The following NBEAL1 variants were observed in gnomAD, a reference collection of about 807,000 sequenced individuals.
NBEAL1 encodes the protein neurobeachin like 1.
Under a neutral mutation model 351.3 loss-of-function variants are expected in NBEAL1, and 273 were observed. The observed-to-expected ratio is 0.78, with a 90% CI of 0.70 to 0.86. NBEAL1 has a LOEUF of 0.86. Among genes scored for constraint, NBEAL1 ranks in the 40% least tolerant of loss-of-function variants. NBEAL1 has a pLI of 0.00. For missense variants in NBEAL1, 2,961 were observed against 3,201.3 expected (o/e 0.92, Z 1.81); for synonymous variants, 1,050 against 1,086.4 (o/e 0.97, Z 0.66).
chr2:203,142,568 A>G (rs1328342044), intron 31 of NBEAL1, among the ~76,000 whole-genome samples: 4 of 152,244 alleles, frequency 2.6e-5, no homozygotes, highest in African/African-American at 9.6e-5. Context: ...AAATTAAAGC[A>G]GTAGTCAAGT....
chr2:203,175,635 A>T (rs2064477125), intron 42 of NBEAL1, among the ~76,000 whole-genome samples: 1 of 152,212 alleles, frequency 6.6e-6, no homozygotes, highest in Admixed American at 6.5e-5. Flanking sequence ...AATATGTATC[A>T]TGAGGAATGG....
chr2:203,152,080 C>T (rs1379300080), intron 35 of NBEAL1, among the ~76,000 whole-genome samples: 1 of 151,898 alleles, frequency 6.6e-6, no homozygotes, highest in African/African-American at 2.4e-5. Flanking sequence ...GCCTCAGCCT[C>T]CCAAGTAGCT....
At chr2:203,082,326 AT>A (rs2061888369) in intron 8 of NBEAL1, among the ~76,000 whole-genome samples, 1 of 152,204 alleles carries the variant, frequency 6.6e-6, no homozygotes, top group Non-Finnish European at 1.5e-5. Flanking sequence ...GGTGAAGGAA[AT>A]TGAATATTGG....
rs544159111 is a variant in NBEAL1 at position 203,108,295 on chromosome 2, C to G, written c.1949+107C>G. 4.7e-4 allele frequency: 388 copies of G among 833,186 alleles called. 1 individual carries two copies. Among genetic ancestry groups the G allele is most frequent in the Middle Eastern group, 3.1e-3 (13 of 4,178 alleles). 51.6% of individuals were successfully genotyped at this position (833,186 alleles called of 1,614,324 possible). ...AAGCATCTAGCTTTTAGATATACAG[C>G]TTATCTAAAGTCTCTTCATCCTTAG... On this transcript the variant is annotated intron_variant, in intron 14 of 55. Coordinates refer to ENST00000683969, the MANE Select transcript of NBEAL1 (RefSeq NM_001378026.1).
intron 6 of NBEAL1, among the ~76,000 whole-genome samples, chr2:203,060,560 G>A (rs1407698028): frequency 6.6e-6 from 1 of 152,128 alleles, no homozygotes; most frequent in African/African-American, 2.4e-5. Flanking sequence ...ACACTTAAGA[G>A]AGAAGAATTT....
chr2:203,123,415 C>A (rs995068915), intron 19 of NBEAL1, among the ~76,000 whole-genome samples: 26 of 151,296 alleles, frequency 1.7e-4, no homozygotes, highest in South Asian at 1.7e-3. Flanking sequence ...TCACTACAAC[C>A]TCTGCCTCCC....
In NBEAL1 at chr2:203,062,337, A is replaced by G; in HGVS notation, c.515+4884A>G. 1 of 490,442 alleles carries G rather than the reference A, an allele frequency of 2.0e-6. No individual in the cohort carries two copies. Among genetic ancestry groups the G allele is most frequent in the South Asian group, 1.5e-5 (1 of 67,524 alleles). 30.4% of individuals were successfully genotyped at this position (490,442 alleles called of 1,614,324 possible). ...CTCTATAAGAGTTTCTTCTGGGAAA[A>G]ATCCAGCAACGCCCACTCCTGAGGG... On this transcript the variant is annotated intron_variant, in intron 6 of 55. Transcript: ENST00000683969. The surrounding 1 kb of genome is among the most constrained non-coding windows in gnomAD (Gnocchi z 4.2).
intron 18 of NBEAL1, among the ~76,000 whole-genome samples, chr2:203,121,373 C>A (rs1241045213): frequency 6.6e-6 from 1 of 151,988 alleles, no homozygotes; most frequent in East Asian, 1.9e-4. Context: ...ACTGGCGAGG[C>A]CGGGTGCAGT....
At position 203,127,916 on chromosome 2, in the gene NBEAL1, T is replaced by G; in HGVS notation, c.3384T>G (p.Ala1128=). Residue 1128 remains alanine, a synonymous_variant, in exon 24 of 56, where the codon GCT becomes GCG. Transcript: ENST00000683969. ...TACAAAGTATTATGGGGTACATAGC[T>G]GCTACTAATGAAGAAGAACAGGTAT... is the stretch of plus-strand genomic sequence containing the variant. ...EEIQSIMGYI[A]ATNEEEQLFG... 1 of 1,550,428 alleles carries G rather than the reference T, an allele frequency of 6.4e-7. No homozygotes were observed. The highest frequency in any genetic ancestry group is 8.7e-7 in the Non-Finnish European group (1 of 1,145,788).
chr2:203,119,492 C>T (rs1448969304), intron 18 of NBEAL1, among the ~76,000 whole-genome samples: 2 of 134,252 alleles, frequency 1.5e-5, no homozygotes, highest in Middle Eastern at 9.5e-3. Flanking sequence ...GTGGCGCAAT[C>T]TTGGCTCACT....
chr2:203,078,331 T>A (rs1209395921), intron 8 of NBEAL1, among the ~76,000 whole-genome samples: 1 of 152,172 alleles, frequency 6.6e-6, no homozygotes, highest in Non-Finnish European at 1.5e-5. Flanking sequence ...CTAAGTGCTG[T>A]CATAAACTTT....
intron 44 of NBEAL1, among the ~76,000 whole-genome samples, chr2:203,184,499 G>A (rs1023375873): frequency 6.6e-6 from 1 of 152,098 alleles, no homozygotes; most frequent in Non-Finnish European, 1.5e-5. Context: ...AAGGACTAGT[G>A]AGGGTTAGTT....
chr2:203,108,139 T>C lies in NBEAL1; in HGVS notation c.1900T>C (p.Leu634=). The change falls in exon 14 of 56, where the codon TTG becomes CTG. Residue 634 remains leucine (L), a synonymous_variant. Transcript: ENST00000683969. ...SAWFCLDQDQ[L]TLGIANKGGK... ...TTGGTTTTGCTTAGACCAGGATCAG[T>C]TGACTCTTGGCATTGCTAACAAAGG... is the stretch of plus-strand genomic sequence containing the variant. 6.4e-7 allele frequency: 1 copy of C among 1,552,084 alleles called. No individual in the cohort carries two copies. Among genetic ancestry groups the C allele is most frequent in the East Asian group, 2.4e-5 (1 of 41,036 alleles).
rs1363758082 is a variant in NBEAL1 at position 203,115,972 on chromosome 2, A to G, written c.2507-13A>G. On this transcript the variant is annotated splice_polypyrimidine_tract_variant and intron_variant, in intron 17 of 55. Coordinates refer to ENST00000683969, the MANE Select transcript of NBEAL1 (RefSeq NM_001378026.1). ...TATTCAATGGTGTGTATGTGTGTGT[A>G]AATAATTTTCAGGTCCAAATTGTTT... 4 of 1,536,970 alleles carry G rather than the reference A, an allele frequency of 2.6e-6. No individual in the cohort carries two copies. The Admixed American group carries it at 7.8e-5, about 30-fold the overall frequency.
At chr2:203,170,352 G>A (rs534032927) in intron 39 of NBEAL1, among the ~76,000 whole-genome samples, 11 of 152,056 alleles carry the variant, frequency 7.2e-5, no homozygotes, top group South Asian at 6.2e-4. Context: ...CAGCCTGGGC[G>A]ACAGAGCAAG....
rs2062845671 is a variant in NBEAL1, at chr2:203,122,118, C to T, written c.2593-136C>T. On this transcript the variant is annotated intron_variant, in intron 18 of 55. Transcript: ENST00000683969. ...TTTCTTTTAAAACAGAACAGCAATA[C>T]TAAAATTCATATTATGGGCATCTTA... 7.4e-6 allele frequency: 4 copies of T among 540,762 alleles called. No homozygotes were observed. In the East Asian group the frequency reaches 1.4e-4, roughly 19 times the overall value. 33.5% of individuals were successfully genotyped at this position (540,762 alleles called of 1,614,324 possible). A position where few individuals can be genotyped will look rare whatever the true frequency, so the allele number is the denominator to read the frequency against.
At chr2:203,082,447 A>G (rs548704372) in intron 8 of NBEAL1, among the ~76,000 whole-genome samples, 2 of 152,228 alleles carry the variant, frequency 1.3e-5, no homozygotes, top group African/African-American at 4.8e-5. Flanking sequence ...GCTAATTCAG[A>G]TAATTTTGCA....
chr2:203,160,840 G>A (rs146966829), intron 36 of NBEAL1, among the ~76,000 whole-genome samples: 114 of 152,224 alleles, frequency 7.5e-4, no homozygotes, highest in African/African-American at 2.3e-3. Context: ...GGCCTAGTAG[G>A]GATTGTCTGT....
At chr2:203,138,805 A>T in intron 31 of NBEAL1, 57 bp downstream of exon 31, 1 of 1,487,656 alleles carries the variant, frequency 6.7e-7, no homozygotes, top group Non-Finnish European at 9.0e-7. Context: ...GGTATTATTT[A>T]TGTAACAAGC....
Sources: allele counts gnomAD v4.1 joint callset (sites outside exome capture counted in the v4.1 genomes callset), GRCh38; gene constraint gnomAD v4.1.1; non-coding constraint Gnocchi (gnomAD v3.1); transcripts MANE v1.5; gene names NCBI Gene and HGNC (gene_info 2026-07-23, HGNC 2026-07-21).